The following TOX variants were observed in gnomAD, a reference collection of about 807,000 sequenced individuals.
TOX encodes the protein thymocyte selection associated high mobility group box.
Under a neutral mutation model 53.7 loss-of-function variants are expected in TOX, and 11 were observed. The ratio of observed to expected loss-of-function variants is 0.20; its 90% CI spans 0.13 to 0.34. The LOEUF is 0.34. Ranked by LOEUF, TOX falls within the 10% of genes least tolerant of loss-of-function variation. The probability of loss-of-function intolerance (pLI) is 1.00; values close to 1 mark genes in which losing one functional copy is unlikely to be tolerated. For synonymous variants in TOX, 225 were observed against 245.3 expected (o/e 0.92, Z 0.77); for missense variants, 570 against 664.6 (o/e 0.86, Z 1.56).
At chr8:58,998,513 A>ATATATATATATATATAAATT in intron 1 of TOX, among the ~76,000 whole-genome samples, 1 of 50,880 alleles carries the variant, frequency 2.0e-5, no homozygotes, top group South Asian at 6.1e-4. Context: ...ATATATATAT[A>ATATATATATATATATAAATT]TATATATATA....
intron 1 of TOX, among the ~76,000 whole-genome samples, chr8:59,008,358 TAAGAAAC>T (rs1305975494): frequency 6.6e-6 from 1 of 152,212 alleles, no homozygotes; most frequent in South Asian, 2.1e-4. Context: ...AAAGAATAAA[TAAGAAAC>T]AGTGGGAGTT....
intron 1 of TOX, among the ~76,000 whole-genome samples, chr8:59,034,903 C>G (rs1281738896): frequency 6.6e-6 from 1 of 152,118 alleles, no homozygotes; most frequent in African/African-American, 2.4e-5. Flanking sequence ...TATAAGTGAG[C>G]AAATTGAGAC....
intron 3 of TOX, among the ~76,000 whole-genome samples, chr8:58,898,830 A>C (rs1020500692): frequency 4.6e-5 from 7 of 152,226 alleles, no homozygotes; most frequent in African/African-American, 1.7e-4. Context: ...TTGTATCTCC[A>C]AGGCTCCACG....
At chr8:59,078,987 C>T (rs1276600674) in intron 1 of TOX, among the ~76,000 whole-genome samples, 1 of 152,180 alleles carries the variant, frequency 6.6e-6, no homozygotes, top group African/African-American at 2.4e-5. Context: ...GTATTTTGTT[C>T]ATCCCCTAGG....
At chr8:59,051,082 A>C (rs1803780661) in intron 1 of TOX, among the ~76,000 whole-genome samples, 1 of 152,152 alleles carries the variant, frequency 6.6e-6, no homozygotes, top group South Asian at 2.1e-4. Flanking sequence ...GACTTCCAGA[A>C]CACAAAATGA....
intron 1 of TOX, among the ~76,000 whole-genome samples, chr8:59,008,092 T>G (rs1813825600): frequency 6.6e-6 from 1 of 152,236 alleles, no homozygotes; most frequent in African/African-American, 2.4e-5. Flanking sequence ...TAAAATTATT[T>G]TCTTCCACTC....
intron 7 of TOX, among the ~76,000 whole-genome samples, chr8:58,811,888 T>C (rs1046694344): frequency 6.6e-6 from 1 of 152,248 alleles, no homozygotes; most frequent in Non-Finnish European, 1.5e-5. Flanking sequence ...CCTGGTGGAC[T>C]ACACAATCAT....
chr8:58,963,420 T>C (rs1812837518), intron 1 of TOX, among the ~76,000 whole-genome samples: 1 of 152,206 alleles, frequency 6.6e-6, no homozygotes, highest in African/African-American at 2.4e-5. Context: ...AGCACCCTAA[T>C]ACAGGTGGCT....
intron 1 of TOX, among the ~76,000 whole-genome samples, chr8:59,087,375 T>C (rs1173651955): frequency 6.6e-6 from 1 of 152,220 alleles, no homozygotes; most frequent in Admixed American, 6.5e-5. Context: ...TTTCACATGT[T>C]TGGAGAAAAA....
At chr8:59,019,148 C>T (rs897401256) in intron 1 of TOX, among the ~76,000 whole-genome samples, 2 of 152,150 alleles carry the variant, frequency 1.3e-5, no homozygotes, top group Non-Finnish European at 1.5e-5. Flanking sequence ...TAATACTCAA[C>T]ATTCATTTGC....
At chr8:58,807,842 A>C (rs1287911674) in intron 8 of TOX, 59 bp from the exon 9 acceptor site, 2 of 1,596,062 alleles carry the variant, frequency 1.3e-6, no homozygotes, top group Non-Finnish European at 1.7e-6. Flanking sequence ...TACAGGTGAC[A>C]ATGGGGGGAT....
chr8:58,955,965 C>G (rs1024140106), intron 2 of TOX, among the ~76,000 whole-genome samples: 2 of 151,946 alleles, frequency 1.3e-5, no homozygotes, highest in African/African-American at 4.8e-5. Flanking sequence ...GAACTCCTGA[C>G]CTCAGGTGAT....
At position 59,074,447 on chromosome 8, in the gene TOX, CATCT is replaced by C. The variant is rs1804256374; in HGVS notation, c.102+44435_102+44438del. Among the ~76,000 whole-genome samples the C allele has an allele frequency of 2.6e-5, 4 of 152,202 alleles. No homozygotes were observed. The East Asian group carries it at 7.7e-4, about 29-fold the overall frequency. ...CTATAAGCAATAAGTACTGAATGAA[CATCT>C]ATCTACGAGGTACCTCGTAAGATAT... On this transcript the variant is annotated intron_variant, in intron 1 of 8. Transcript: ENST00000361421.
intron 1 of TOX, among the ~76,000 whole-genome samples, chr8:59,046,713 C>G (rs2129421037): frequency 6.6e-6 from 1 of 151,974 alleles, no homozygotes; most frequent in Admixed American, 6.5e-5. Flanking sequence ...CAAAAATTAG[C>G]TGGGCGTGGT....
At chr8:59,048,867 G>A (rs1247206476) in intron 1 of TOX, among the ~76,000 whole-genome samples, 1 of 151,988 alleles carries the variant, frequency 6.6e-6, no homozygotes, top group East Asian at 1.9e-4. Context: ...TTTATATCAT[G>A]TAAAACACTA....
chr8:58,845,012 T>C (rs1810700262), intron 4 of TOX, among the ~76,000 whole-genome samples: 1 of 152,092 alleles, frequency 6.6e-6, no homozygotes, highest in Admixed American at 6.6e-5. Flanking sequence ...TCTTTCACTT[T>C]AAAAAAGCAT....
At chr8:58,823,048 T>G (rs1364448531) in intron 6 of TOX, among the ~76,000 whole-genome samples, 1 of 152,238 alleles carries the variant, frequency 6.6e-6, no homozygotes, top group Non-Finnish European at 1.5e-5. Flanking sequence ...TTGTTACTAT[T>G]GGAAACAATT....
In TOX at chr8:58,878,930, G is replaced by A. The variant is rs569272920; in HGVS notation, c.412-27125C>T. Among the ~76,000 whole-genome samples, 291 of 151,786 alleles carry A rather than the reference G, an allele frequency of 1.9e-3. 3 individuals carry two copies. Among genetic ancestry groups the A allele is most frequent in the African/African-American group, 6.8e-3 (280 of 41,386 alleles). ...ACAAAAATTAGCCAGGTGTGGTGGC[G>A]CAAACCTGTAGTCCCAGCTACCCTG... On this transcript the variant is annotated intron_variant, in intron 3 of 8. Coordinates refer to ENST00000361421, the MANE Select transcript of TOX (RefSeq NM_014729.3).
intron 7 of TOX, among the ~76,000 whole-genome samples, chr8:58,811,887 C>A (rs929754927): frequency 1.3e-5 from 2 of 152,108 alleles, no homozygotes; most frequent in Admixed American, 1.3e-4. Flanking sequence ...TCCTGGTGGA[C>A]TACACAATCA....
Sources: allele counts gnomAD v4.1 joint callset (sites outside exome capture counted in the v4.1 genomes callset), GRCh38; gene constraint gnomAD v4.1.1; transcripts MANE v1.5; gene names NCBI Gene and HGNC (gene_info 2026-07-23, HGNC 2026-07-21).